ABCA6: variants seen among roughly 807,000 people sequenced by gnomAD.
The protein encoded by ABCA6 is ATP binding cassette subfamily A member 6.
A neutral mutation model predicts 191.2 loss-of-function variants in ABCA6; 164 were observed. The observed-to-expected ratio is 0.86, with a 90% confidence interval of 0.76 to 0.98. The LOEUF (loss-of-function observed/expected upper bound fraction) is 0.98. ABCA6 is among the 50% of genes least tolerant of loss of function. ABCA6 has a pLI of 0.00. For synonymous variants in ABCA6, 636 were observed against 647.7 expected, an observed-to-expected ratio of 0.98 and a Z score of 0.27; for missense variants, 1,958 against 1,894.1, an observed-to-expected ratio of 1.03 and a Z score of -0.63.
intron 13 of ABCA6, among the ~76,000 whole-genome samples, chr17:69,114,214 C>G (rs536799855): frequency 3.3e-5 from 5 of 152,120 alleles, no homozygotes; most frequent in African/African-American, 1.2e-4. Context: ...ACATATATAC[C>G]ATGGAATACT....
chr17:69,086,245 C>T (rs1342815833), intron 30 of ABCA6, among the ~76,000 whole-genome samples: 1 of 152,092 alleles, frequency 6.6e-6, no homozygotes, highest in East Asian at 1.9e-4. Flanking sequence ...TGGTATTATG[C>T]TAACTTGTAT....
chr17:69,101,996 T>C (rs1021010870), intron 21 of ABCA6, among the ~76,000 whole-genome samples: 1 of 152,224 alleles, frequency 6.6e-6, no homozygotes, highest in African/African-American at 2.4e-5. Flanking sequence ...CTTCACTTAA[T>C]TAGGCCCCTT....
At chr17:69,138,299 G>A (rs2073980344) in intron 2 of ABCA6, among the ~76,000 whole-genome samples, 2 of 152,162 alleles carry the variant, frequency 1.3e-5, no homozygotes, top group Admixed American at 1.3e-4. Flanking sequence ...ATTAGACCAT[G>A]AGGAGTTAAA....
In ABCA6 at chr17:69,085,164, T is replaced by A; in HGVS notation, c.4048A>T (p.Ser1350Cys). ...TACCCCAGGTGGCCCAAAACTGAAC[T>A]GCAGCCTTTCAGTTCCACCTAAAAA... ...TAGEVELKGCSSVLGHLGYCP... is the reference protein window; with the variant it reads ...TAGEVELKGCCSVLGHLGYCP... The change falls in exon 32 of 39, where the codon AGT (serine) becomes TGT (cysteine). Residue 1350 changes from serine to cysteine, a missense_variant. By Grantham distance (112) the Ser-to-Cys change is moderately radical. Coordinates refer to ENST00000284425, the MANE Select transcript of ABCA6 (RefSeq NM_080284.3). 6.2e-7 allele frequency: 1 copy of A among 1,610,276 alleles called. No homozygotes were observed. Among genetic ancestry groups the A allele is most frequent in the Non-Finnish European group, 8.5e-7 (1 of 1,178,518 alleles).
chr17:69,082,084 T>G (rs758982008), intron 36 of ABCA6, among the ~76,000 whole-genome samples: 1 of 152,196 alleles, frequency 6.6e-6, no homozygotes, highest in African/African-American at 2.4e-5. Flanking sequence ...GTTTTATCAT[T>G]TTTGATCTTC....
intron 25 of ABCA6, among the ~76,000 whole-genome samples, chr17:69,092,179 C>G (rs185071076): frequency 3.9e-5 from 6 of 152,220 alleles, no homozygotes; most frequent in Admixed American, 1.3e-4. Context: ...AATTGATCAG[C>G]CAAGTATGTA....
At chr17:69,121,553 T>A (rs1187361735) in intron 10 of ABCA6, among the ~76,000 whole-genome samples, 6 of 151,830 alleles carry the variant, frequency 4.0e-5, no homozygotes, top group African/African-American at 4.8e-5. Flanking sequence ...GTGTACCCAG[T>A]CAACACTGTA....
chr17:69,087,337 C>G lies in ABCA6; in HGVS notation c.3819+16G>C. 6.2e-7 allele frequency: 1 copy of G among 1,610,606 alleles called. No homozygotes were observed. Among genetic ancestry groups the G allele is most frequent in the African/African-American group, 1.3e-5 (1 of 74,738 alleles). ...AATATCTCCATTAATATCCATTTTG[C>G]CCCTTGCTTTTTTACCTCATCTAAG... On this transcript the variant is annotated intron_variant, in intron 29 of 38. Coordinates refer to ENST00000284425, the MANE Select transcript of ABCA6 (RefSeq NM_080284.3).
chr17:69,111,063 G>A lies in ABCA6; in HGVS notation c.2133-123C>T, dbSNP rs2073413580. On this transcript the variant is annotated intron_variant, in intron 16 of 38. Transcript: ENST00000284425. ...ACTTGGCTTTATGGAACAAAAAGAT[G>A]AGTAAATACTAACATGATAGTAATC... 3 of 838,596 alleles carry A rather than the reference G, an allele frequency of 3.6e-6. No homozygotes were observed. The Admixed American group carries it at 9.2e-5, about 26-fold the overall frequency. The allele number at this position is 838,596 out of a possible 1,614,324, so 51.9% of individuals were successfully genotyped here. A position where few individuals can be genotyped will look rare whatever the true frequency, so the allele number is the denominator to read the frequency against.
intron 31 of ABCA6, 35 bp from the exon 32 acceptor site, chr17:69,085,217 GC>G: frequency 6.4e-7 from 1 of 1,571,048 alleles, no homozygotes; most frequent in Non-Finnish European, 8.6e-7. Context: ...AAGGCATGCA[GC>G]CTTTATTCCA....
In ABCA6 at chr17:69,114,759, T is replaced by G. The variant is rs747285523; in HGVS notation, c.1782+3A>C. On this transcript the variant is annotated splice_donor_region_variant and intron_variant, in intron 13 of 38. Transcript: ENST00000284425. ...GTCAGTTAATCCAAGCATGCCCTCCTACCTCTTGTTCCACTTCCTTTAGAT... is the reference window on the plus strand; with the variant it reads ...GTCAGTTAATCCAAGCATGCCCTCCGACCTCTTGTTCCACTTCCTTTAGAT... 6.2e-7 allele frequency: 1 copy of G among 1,606,564 alleles called. No individual in the cohort carries two copies. Among genetic ancestry groups the G allele is most frequent in the Admixed American group, 1.7e-5 (1 of 58,842 alleles).
chr17:69,130,932 C>G (rs1234255385), intron 6 of ABCA6, among the ~76,000 whole-genome samples: 1 of 152,182 alleles, frequency 6.6e-6, no homozygotes, highest in Non-Finnish European at 1.5e-5. Context: ...AAGTATGCTG[C>G]ACCCTTAAAT....
chr17:69,105,215 C>T (rs111403693), intron 20 of ABCA6: 112 of 431,146 alleles, frequency 2.6e-4, no homozygotes, highest in African/African-American at 2.0e-3. Flanking sequence ...TTAGGGTAGT[C>T]AGGTAGAGAG....
intron 30 of ABCA6, among the ~76,000 whole-genome samples, chr17:69,086,098 T>C (rs930029560): frequency 7.2e-5 from 11 of 152,140 alleles, no homozygotes. Context: ...CAAGTTACCA[T>C]CATCTTTCAT....
intron 25 of ABCA6, among the ~76,000 whole-genome samples, chr17:69,095,845 T>C (rs1192524810): frequency 6.6e-6 from 1 of 152,214 alleles, no homozygotes; most frequent in African/African-American, 2.4e-5. Flanking sequence ...CTGGCATAAG[T>C]ATAAAACATC....
chr17:69,132,060 T>C (rs1598060541), intron 6 of ABCA6, among the ~76,000 whole-genome samples: 1 of 152,122 alleles, frequency 6.6e-6, no homozygotes, highest in Non-Finnish European at 1.5e-5. Flanking sequence ...TTTTCTATCT[T>C]ACAATTTATG....
Position 69,100,869 on chromosome 17 carries a change from A to G in ABCA6, c.2940T>C (p.Ile980=), listed in dbSNP as rs750063702. The G allele has an allele frequency of 1.2e-6, 2 of 1,612,026 alleles. No homozygotes were observed. Among genetic ancestry groups the G allele is most frequent in the Non-Finnish European group, 8.5e-7 (1 of 1,178,710 alleles). Residue 980 remains isoleucine, a synonymous_variant, in exon 22 of 39, where the codon ATT becomes ATC. Transcript: ENST00000284425. Reference sequence around the variant, plus strand: ...ACATTTGAAGTAGCCCATTGCTGATAATATTCATAAGAATTGGAAAACAGT... The same window carrying G: ...ACATTTGAAGTAGCCCATTGCTGATGATATTCATAAGAATTGGAAAACAGT... The part of the protein sequence containing the change: ...RLHCFPILMN[I]ISNGLLQMFN...
intron 5 of ABCA6, 96 bp from the exon 6 acceptor site, chr17:69,133,963 C>T (rs1444125416): frequency 2.8e-5 from 24 of 867,296 alleles, no homozygotes; most frequent in Non-Finnish European, 4.1e-5. Flanking sequence ...GTCGGTTCTC[C>T]AATTTTTCTT....
At chr17:69,135,846 G>T (rs1025089384) in intron 4 of ABCA6, 2 of 475,130 alleles carry the variant, frequency 4.2e-6, no homozygotes, top group Non-Finnish European at 7.4e-6. Flanking sequence ...TGTCAGTCTT[G>T]GTTACTCATG....
Sources: allele counts gnomAD v4.1 joint callset (sites outside exome capture counted in the v4.1 genomes callset), GRCh38; gene constraint gnomAD v4.1.1; transcripts MANE v1.5; gene names NCBI Gene and HGNC (gene_info 2026-07-23, HGNC 2026-07-21).